The following KATNIP variants were observed in gnomAD, a reference collection of about 807,000 sequenced individuals.
KATNIP encodes katanin interacting protein, also known as katanin-interacting protein.
A neutral mutation model predicts 174.0 loss-of-function variants in KATNIP; 126 were observed. The ratio of observed to expected loss-of-function variants is 0.72; its 90% CI spans 0.63 to 0.84. The LOEUF is 0.84. Among genes scored for constraint, KATNIP ranks in the 40% least tolerant of loss-of-function variants. KATNIP has a pLI of 0.00. For missense variants in KATNIP, 1,958 were observed against 2,109.7 expected, an observed-to-expected ratio of 0.93 and a Z score of 1.41; for synonymous variants, 810 against 835.7, an observed-to-expected ratio of 0.97 and a Z score of 0.53.
In KATNIP at chr16:27,701,680, G is replaced by A. The variant is rs2079103626; in HGVS notation, c.1271G>A (p.Gly424Glu). Residue 424 changes from glycine to glutamate, a missense_variant, in exon 11 of 28, where the codon GGG becomes GAG. Gly to Glu is a moderately conservative substitution (Grantham distance 98). This residue lies in a region of KATNIP where 1,557 missense variants were observed against 1,617.8 expected (regional missense o/e 0.96). Coordinates refer to ENST00000261588, the MANE Select transcript of KATNIP (RefSeq NM_015202.5). The part of the protein sequence containing the change: ...RAINQAMDRI[G>E]LLGSRQQQKL... ...ATCAACCAGGCCATGGACAGAATTG[G>A]GCTTCTGGGAAGCAGGTACTACTAA... is the stretch of plus-strand genomic sequence containing the variant. 1 of 1,602,670 alleles carries A rather than the reference G, an allele frequency of 6.2e-7. No individual in the cohort carries two copies. Among genetic ancestry groups the A allele is most frequent in the Non-Finnish European group, 8.5e-7 (1 of 1,174,954 alleles).
intron 4 of KATNIP, 23 bp downstream of exon 4, chr16:27,628,853 G>A (rs1420704918): frequency 1.9e-6 from 3 of 1,612,530 alleles, no homozygotes; most frequent in South Asian, 1.1e-5. Flanking sequence ...CCTCCAGGCT[G>A]AGTCTCAGCT....
At chr16:27,697,372 C>A (rs1212414393) in intron 8 of KATNIP, among the ~76,000 whole-genome samples, 3 of 152,058 alleles carry the variant, frequency 2.0e-5, no homozygotes. Flanking sequence ...GATGGTATCT[C>A]CTTGTGATTT....
intron 6 of KATNIP, among the ~76,000 whole-genome samples, chr16:27,650,980 A>G (rs1187420088): frequency 6.6e-6 from 1 of 152,178 alleles, no homozygotes; most frequent in Admixed American, 6.5e-5. Flanking sequence ...AACAGCCATC[A>G]ATTTCTCTTA....
chr16:27,617,565 G>A (rs1489987019), intron 2 of KATNIP, among the ~76,000 whole-genome samples: 1 of 152,222 alleles, frequency 6.6e-6, no homozygotes, highest in East Asian at 1.9e-4. Flanking sequence ...ACTGCAAGAA[G>A]GGGCTGAGCA....
chr16:27,684,843 A>G (rs1203302982), intron 8 of KATNIP, among the ~76,000 whole-genome samples: 2 of 152,174 alleles, frequency 1.3e-5, no homozygotes, highest in Non-Finnish European at 1.5e-5. Flanking sequence ...ATGAATGCCC[A>G]ACCTAATGAC....
At chr16:27,629,421 T>C (rs1427984296) in intron 4 of KATNIP, among the ~76,000 whole-genome samples, 1 of 152,182 alleles carries the variant, frequency 6.6e-6, no homozygotes, top group Non-Finnish European at 1.5e-5. Flanking sequence ...AAATTTTGGA[T>C]TATATCTGAT....
Position 27,661,143 on chromosome 16 carries a change from T to C in KATNIP, c.540+12408T>C, listed in dbSNP as rs575458542. On this transcript the variant is annotated intron_variant, in intron 6 of 27. Coordinates refer to ENST00000261588, the MANE Select transcript of KATNIP (RefSeq NM_015202.5). ...TCTAACAAGGAATTTTTGTGTTGCT[T>C]GGGGTAGAAGAGTCAGTTTGAGATA... 2.6e-5 allele frequency among the ~76,000 whole-genome samples: 4 copies of C among 152,314 alleles called. No homozygotes were observed. The South Asian group carries it at 8.3e-4, about 32-fold the overall frequency.
intron 20 of KATNIP, 90 bp from the exon 21 acceptor site, chr16:27,769,771 C>A: frequency 6.8e-7 from 1 of 1,477,454 alleles, no homozygotes; most frequent in Admixed American, 1.7e-5. Context: ...ATGGTGAGCA[C>A]AGCTGCCAGC....
chr16:27,601,795 C>G (rs1365655633), intron 2 of KATNIP, among the ~76,000 whole-genome samples: 1 of 152,144 alleles, frequency 6.6e-6, no homozygotes, highest in Non-Finnish European at 1.5e-5. Context: ...GAAGGGAGTG[C>G]CCTCCCCTCT....
chr16:27,766,590 G>A (rs1196162390), intron 20 of KATNIP, 116 bp downstream of exon 20: 19 of 1,078,970 alleles, frequency 1.8e-5, no homozygotes, highest in Non-Finnish European at 2.5e-5. Flanking sequence ...TCCAAACGGA[G>A]CTGGGGGCGT....
intron 14 of KATNIP, among the ~76,000 whole-genome samples, chr16:27,738,601 G>A (rs1435362383): frequency 6.6e-6 from 1 of 152,132 alleles, no homozygotes; most frequent in Non-Finnish European, 1.5e-5. Flanking sequence ...AGCGAGGTGG[G>A]GACCATTTGT....
intron 5 of KATNIP, among the ~76,000 whole-genome samples, chr16:27,633,758 A>C (rs1014532156): frequency 6.6e-6 from 1 of 152,246 alleles, no homozygotes; most frequent in Non-Finnish European, 1.5e-5. Context: ...GCTACTGAAG[A>C]AATCAAGGCC....
At chr16:27,733,104 G>T (rs917466627) in intron 14 of KATNIP, among the ~76,000 whole-genome samples, 2 of 152,144 alleles carry the variant, frequency 1.3e-5, no homozygotes, top group Non-Finnish European at 2.9e-5. Context: ...AGGTTGTATT[G>T]GCTGTGCCAA....
At chr16:27,554,942 C>T (rs369970458) in intron 1 of KATNIP, among the ~76,000 whole-genome samples, 7 of 151,824 alleles carry the variant, frequency 4.6e-5, no homozygotes, top group African/African-American at 9.7e-5. Flanking sequence ...TACAGGTGCA[C>T]GCCACCACGC....
intron 2 of KATNIP, among the ~76,000 whole-genome samples, chr16:27,617,434 C>T (rs1404527140): frequency 6.6e-6 from 1 of 152,160 alleles, no homozygotes; most frequent in Non-Finnish European, 1.5e-5. Flanking sequence ...GGTCATGGTT[C>T]ACCCCTAAAG....
intron 2 of KATNIP, among the ~76,000 whole-genome samples, chr16:27,585,983 C>A (rs886477327): frequency 1.3e-5 from 2 of 152,080 alleles, no homozygotes; most frequent in African/African-American, 4.8e-5. Flanking sequence ...CACCTGTAGT[C>A]CCAGCTACTG....
intron 1 of KATNIP, among the ~76,000 whole-genome samples, chr16:27,572,362 A>AACACACAC (rs3056269): frequency 0.37 from 51,533 of 137,816 alleles, 9,743 homozygotes; most frequent in East Asian, 0.47. Flanking sequence ...CAAAAAAGAA[A>AACACACAC]ACACACACAC....
At chr16:27,651,019 AAT>A (rs1399424284) in intron 6 of KATNIP, among the ~76,000 whole-genome samples, 3 of 152,206 alleles carry the variant, frequency 2.0e-5, no homozygotes, top group Admixed American at 6.5e-5. Flanking sequence ...AGCCAAGCAT[AAT>A]ATGTTACAGT....
At chr16:27,761,694 C>A in intron 19 of KATNIP, 104 bp downstream of exon 19, 1 of 1,056,736 alleles carries the variant, frequency 9.5e-7, no homozygotes, top group Non-Finnish European at 1.4e-6. Context: ...TCGCATATGT[C>A]CCTCCCCTGG....
Sources: allele counts gnomAD v4.1 joint callset (sites outside exome capture counted in the v4.1 genomes callset), GRCh38; gene constraint gnomAD v4.1.1; regional missense constraint gnomAD v4.1.1; transcripts MANE v1.5; gene names NCBI Gene and HGNC (gene_info 2026-07-23, HGNC 2026-07-21).